Variants in MT1M observed in about 807,000 individuals in gnomAD.
MT1M encodes metallothionein 1M, also known as metallothionein-1M.
A neutral mutation model predicts 8.5 loss-of-function variants in MT1M; 11 were observed. That is an observed-to-expected ratio of 1.29 (90% CI 0.81 to 2.14). The LOEUF (loss-of-function observed/expected upper bound fraction) is 2.14, where lower values mean the gene tolerates loss of function less well. Ranked by LOEUF, MT1M falls within the 30% of genes most tolerant of loss-of-function variation. The pLI is 0.00. For synonymous variants in MT1M, 28 were observed against 30.0 expected (o/e 0.93, Z 0.22); for missense variants, 84 against 76.6 (o/e 1.10, Z -0.36).
In MT1M at chr16:56,633,735, T is replaced by C. The variant is rs1324013471; in HGVS notation, c.95-16T>C. 1 of 1,613,932 alleles carries C rather than the reference T, an allele frequency of 6.2e-7. No homozygotes were observed. The highest frequency in any genetic ancestry group is 8.5e-7 in the Non-Finnish European group (1 of 1,179,906). On this transcript the variant is annotated splice_polypyrimidine_tract_variant and intron_variant, in intron 2 of 2. Coordinates refer to ENST00000379818, the MANE Select transcript of MT1M (RefSeq NM_176870.3). The stretch of plus-strand genomic sequence containing the variant: ...GGTCAAGTCTACTGCTACCTCTCTC[T>C]CCCCTTCTTCCCCAGGCTGCTGCTC...
At chr16:56,633,284 T>C (rs1430344550) in intron 1 of MT1M, 56 bp from the exon 2 acceptor site, 53 of 1,612,894 alleles carry the variant, frequency 3.3e-5, no homozygotes, top group East Asian at 2.2e-4. Flanking sequence ...CATTGACCCA[T>C]TGCTGTACCT....
At chr16:56,633,499 G>A in intron 2 of MT1M, 94 bp downstream of exon 2, 1 of 1,612,440 alleles carries the variant, frequency 6.2e-7, no homozygotes, top group Non-Finnish European at 8.5e-7. Context: ...TGGGGAACTG[G>A]GCTTTCTTTG....
rs750069894 is a variant in MT1M at position 56,633,364 on chromosome 16, C to T, written c.53C>T (p.Ser18Phe). The T allele has an allele frequency of 1.2e-6, 2 of 1,614,106 alleles. No individual in the cohort carries two copies. The highest frequency in any genetic ancestry group is 1.7e-6 in the Non-Finnish European group (2 of 1,180,048). Residue 18 changes from serine (S) to phenylalanine (F), a missense_variant, in exon 2 of 3, where the codon TCC becomes TTC. By Grantham distance (155) the Ser-to-Phe change is radical. Coordinates refer to ENST00000379818, the MANE Select transcript of MT1M (RefSeq NM_176870.3). ...TTGVSCACTG[S>F]CTCKECKCTS... ...GGTGTCTCCTGCGCCTGCACCGGCT[C>T]CTGCACGTGCAAAGAGTGCAAATGC...
Position 56,633,907 on chromosome 16 carries a change from T to G in MT1M, c.*65T>G. 6.5e-7 allele frequency: 1 copy of G among 1,541,268 alleles called. No homozygotes were observed. The highest frequency in any genetic ancestry group is 1.8e-5 in the Admixed American group (1 of 57,114). ...CTGCACAACCTGGATTTTTTTTCAA[T>G]ACGATACTGAGCCATTTGCTGCATT... On this transcript the variant is annotated 3_prime_UTR_variant, in exon 3 of 3. Transcript: ENST00000379818.
At chr16:56,632,903 T>G in intron 1 of MT1M, 144 bp downstream of exon 1, 1 of 1,115,634 alleles carries the variant, frequency 9.0e-7, no homozygotes, top group Non-Finnish European at 1.3e-6. Context: ...TGATCTCCCC[T>G]CTGAGAGCAC....
Position 56,633,408 on chromosome 16 carries a change from G to C in MT1M, c.94+3G>C, listed in dbSNP as rs1271777376. On this transcript the variant is annotated splice_donor_region_variant and intron_variant, in intron 2 of 2. Transcript: ENST00000379818. Reference sequence around the variant, plus strand: ...CAAATGCACCTCCTGCAAGAAGAGTGAGTGCGGGGCCATCTCCAGGAATCT... The same window carrying C: ...CAAATGCACCTCCTGCAAGAAGAGTCAGTGCGGGGCCATCTCCAGGAATCT... The C allele has an allele frequency of 4.3e-6, 7 of 1,614,272 alleles. No homozygotes were observed. The highest frequency in any genetic ancestry group is 5.1e-6 in the Non-Finnish European group (6 of 1,180,052).
At chr16:56,633,140 T>C (rs776799177) in intron 1 of MT1M, among the ~76,000 whole-genome samples, 200 bp from the exon 2 acceptor site, 1 of 152,182 alleles carries the variant, frequency 6.6e-6, no homozygotes, top group Non-Finnish European at 1.5e-5. Flanking sequence ...GGTGTGCCCC[T>C]GGGACCTTCC....
Position 56,633,350 on chromosome 16 carries a change from C to G in MT1M, c.39C>G (p.Cys13Trp), listed in dbSNP as rs199506795. The G allele has an allele frequency of 1.2e-6, 2 of 1,614,218 alleles. No individual in the cohort carries two copies. Among genetic ancestry groups the G allele is most frequent in the Non-Finnish European group, 1.7e-6 (2 of 1,180,050 alleles). The change falls in exon 2 of 3, where the codon TGC (cysteine) becomes TGG (tryptophan). Residue 13 changes from cysteine (C) to tryptophan (W), a missense_variant. Cys to Trp is a radical substitution (Grantham distance 215, BLOSUM62 -2). Transcript: ENST00000379818. ...PNCSCTTGVS[C>W]ACTGSCTCKE... ...TTCTCTTCCTTGCAGGTGTCTCCTG[C>G]GCCTGCACCGGCTCCTGCACGTGCA... is the stretch of plus-strand genomic sequence containing the variant.
At chr16:56,633,593 A>G (rs1960319833) in intron 2 of MT1M, 158 bp from the exon 3 acceptor site, 10 of 1,596,992 alleles carry the variant, frequency 6.3e-6, no homozygotes, top group Non-Finnish European at 8.6e-6. Flanking sequence ...CTTGGGACAC[A>G]AATCCCAACT....
intron 2 of MT1M, 49 bp from the exon 3 acceptor site, chr16:56,633,702 C>G (rs2270836): frequency 6.2e-7 from 1 of 1,610,036 alleles, no homozygotes; most frequent in Non-Finnish European, 8.5e-7. Context: ...TGGGGCAGGG[C>G]GGTGCCCGGT....
At chr16:56,633,618 T>A in intron 2 of MT1M, 133 bp from the exon 3 acceptor site, 1 of 1,601,234 alleles carries the variant, frequency 6.2e-7, no homozygotes. Context: ...CATCTATGGT[T>A]TCAGAACAGA....
In MT1M at chr16:56,633,760, C is replaced by T. The variant is rs199914190; in HGVS notation, c.104C>T (p.Ser35Phe). 1.5e-3 allele frequency: 2,388 copies of T among 1,614,190 alleles called. 3 individuals carry two copies. The highest frequency in any genetic ancestry group is 1.8e-3 in the Non-Finnish European group (2,173 of 1,180,036). Residue 35 changes from serine (S) to phenylalanine (F), a missense_variant, in exon 3 of 3, where the codon TCC becomes TTC. Transcript: ENST00000379818. Reference sequence around the variant, plus strand: ...TCCCCTTCTTCCCCAGGCTGCTGCTCCTGCTGCCCCGTGGGCTGTGCCAAG... The same window carrying T: ...TCCCCTTCTTCCCCAGGCTGCTGCTTCTGCTGCCCCGTGGGCTGTGCCAAG... ...KCTSCKKSCC[S>F]CCPVGCAKCA...
At position 56,633,951 on chromosome 16, in the gene MT1M, G is replaced by C. The variant is rs1960327309; in HGVS notation, c.*109G>C. The C allele has an allele frequency of 8.5e-7, 1 of 1,182,796 alleles. No individual in the cohort carries two copies. Among genetic ancestry groups the C allele is most frequent in the South Asian group, 1.4e-5 (1 of 69,764 alleles). The allele number at this position is 1,182,796 out of a possible 1,614,324, so 73.3% of individuals were successfully genotyped here. A position where few individuals can be genotyped will look rare whatever the true frequency, so the allele number is the denominator to read the frequency against. On this transcript the variant is annotated 3_prime_UTR_variant, in exon 3 of 3. Transcript: ENST00000379818. ...CTGCATTTCTTTTTATATTAAATAT[G>C]TGAGTGACAATAAAACAATTTTGAC... is the stretch of plus-strand genomic sequence containing the variant.
rs1260114168 is a variant in MT1M, at chr16:56,632,686, T to C, written c.-46T>C. On this transcript the variant is annotated 5_prime_UTR_variant, in exon 1 of 3. Coordinates refer to ENST00000379818, the MANE Select transcript of MT1M (RefSeq NM_176870.3). ...CACGCCGTCCGGGTGGGCCTAGCAG[T>C]CGCTCCATTTATCGCTTGAGATCTC... 2 of 1,612,240 alleles carry C rather than the reference T, an allele frequency of 1.2e-6. No homozygotes were observed. Among genetic ancestry groups the C allele is most frequent in the African/African-American group, 2.7e-5 (2 of 74,874 alleles).
rs1277856155 is a variant in MT1M at position 56,632,717 on chromosome 16, T to C, written c.-15T>C. 1 of 1,613,272 alleles carries C rather than the reference T, an allele frequency of 6.2e-7. No homozygotes were observed. Among genetic ancestry groups the C allele is most frequent in the African/African-American group, 1.3e-5 (1 of 74,900 alleles). On this transcript the variant is annotated 5_prime_UTR_variant, in exon 1 of 3. Coordinates refer to ENST00000379818, the MANE Select transcript of MT1M (RefSeq NM_176870.3). ...CATTTATCGCTTGAGATCTCCAGCC[T>C]TACCGCGGCTCGAAATGGACCCCAA...
Position 56,632,671 on chromosome 16 carries a change from G to A in MT1M, c.-61G>A, listed in dbSNP as rs1204362300. 24 of 1,608,266 alleles carry A rather than the reference G, an allele frequency of 1.5e-5. No homozygotes were observed. The African/African-American group carries it at 3.1e-4, about 21-fold the overall frequency. ...GCTGTGGCGCTCCACCACGCCGTCC[G>A]GGTGGGCCTAGCAGTCGCTCCATTT... On this transcript the variant is annotated 5_prime_UTR_variant, in exon 1 of 3. Coordinates refer to ENST00000379818, the MANE Select transcript of MT1M (RefSeq NM_176870.3).
intron 1 of MT1M, 25 bp from the exon 2 acceptor site, chr16:56,633,315 C>A (rs562647639): frequency 4.5e-5 from 73 of 1,614,140 alleles, no homozygotes; most frequent in African/African-American, 2.0e-4. Context: ...ACTCACTGCC[C>A]ACTGCGTTTT....
Position 56,633,246 on chromosome 16 carries a change from C to T in MT1M, c.29-94C>T, listed in dbSNP as rs1192608080. Reference sequence around the variant, plus strand: ...GGGAAAGGAGCTCTGAGGGCTGGCCCTGCACAAAGGAGGGGGCACTGGAGA... The same window carrying T: ...GGGAAAGGAGCTCTGAGGGCTGGCCTTGCACAAAGGAGGGGGCACTGGAGA... On this transcript the variant is annotated intron_variant, in intron 1 of 2. Transcript: ENST00000379818. 7.6e-6 allele frequency: 12 copies of T among 1,571,096 alleles called. No homozygotes were observed. In the Admixed American group the frequency reaches 2.0e-4, roughly 26 times the overall value.
intron 1 of MT1M, 105 bp downstream of exon 1, chr16:56,632,864 T>C (rs2144314338): frequency 7.3e-7 from 1 of 1,375,992 alleles, no homozygotes; most frequent in Non-Finnish European, 1.0e-6. Context: ...CGGAAGGGAA[T>C]TCCTTTACTT....
Sources: gnomAD v4.1 joint callset for allele counts (sites outside exome capture counted in the v4.1 genomes callset) on GRCh38, gnomAD v4.1.1 for gene constraint, MANE v1.5 for transcripts, NCBI Gene and HGNC (gene_info 2026-07-23, HGNC 2026-07-21) for gene names.